The following TENM2 variants were observed in gnomAD, a reference collection of about 807,000 sequenced individuals.
TENM2 encodes teneurin-2.
TENM2 carries 52 observed loss-of-function variants against 245.2 expected under a neutral mutation model. That is an observed-to-expected ratio of 0.21 (90% CI 0.17 to 0.27). The LOEUF (loss-of-function observed/expected upper bound fraction) is 0.27. Ranked by LOEUF, TENM2 falls within the 10% of genes least tolerant of loss-of-function variation. TENM2 has a pLI of 1.00. For synonymous variants in TENM2, 1,363 were observed against 1,438.9 expected (o/e 0.95, Z 1.19); for missense variants, 3,046 against 3,666.8 (o/e 0.83, Z 4.37).
intron 5 of TENM2, chr5:168,033,164 A>G (rs977357775): frequency 6.6e-6 from 1 of 152,326 alleles, no homozygotes; most frequent in Middle Eastern, 3.4e-3. Context: ...TGTCTACTAT[A>G]AGTCTTTGTC....
At chr5:167,772,825 G>T (rs867989296) in intron 2 of TENM2, among the ~76,000 whole-genome samples, 2 of 152,198 alleles carry the variant, frequency 1.3e-5, no homozygotes, top group Middle Eastern at 3.4e-3. Context: ...CTACTGACAG[G>T]TCTTTTATTT....
Position 167,489,438 on chromosome 5 carries a change from T to G in TENM2, c.502+113965T>G, listed in dbSNP as rs568675444. On this transcript the variant is annotated intron_variant, in intron 2 of 28. Transcript: ENST00000518659. ...ACTCACTCCCCAGAAAGCCACAAGG[T>G]TCACTCCCACACTATCTTCAGACCT... is the stretch of plus-strand genomic sequence containing the variant. Among the ~76,000 whole-genome samples the G allele has an allele frequency of 2.0e-4, 31 of 152,280 alleles. No individual in the cohort carries two copies. In the South Asian group the frequency reaches 5.0e-3, roughly 24 times the overall value.
chr5:167,385,539 A>G (rs1761373020), intron 2 of TENM2, among the ~76,000 whole-genome samples: 1 of 150,528 alleles, frequency 6.6e-6, no homozygotes, highest in Non-Finnish European at 1.5e-5. Context: ...TTATTGGAGA[A>G]CAGGTGGTGT....
the TENM2 span, among the ~76,000 whole-genome samples, chr5:167,146,614 C>G: frequency 6.6e-6 from 1 of 152,148 alleles, no homozygotes; most frequent in Non-Finnish European, 1.5e-5. Flanking sequence ...CTTACCAACT[C>G]AGATGATGGA....
chr5:167,323,209 T>C (rs1366817621), intron 1 of TENM2, among the ~76,000 whole-genome samples: 3 of 152,188 alleles, frequency 2.0e-5, no homozygotes, highest in Non-Finnish European at 4.4e-5. Context: ...CTTTATGAGA[T>C]GTATTATTCT....
chr5:167,709,386 A>G (rs1027698934), intron 2 of TENM2, among the ~76,000 whole-genome samples: 2 of 152,198 alleles, frequency 1.3e-5, no homozygotes, highest in African/African-American at 2.4e-5. Flanking sequence ...TAATCCCTCC[A>G]GTGCATCCAG....
chr5:167,353,337 G>GGC (rs1319785967), intron 1 of TENM2, among the ~76,000 whole-genome samples: 2 of 145,486 alleles, frequency 1.4e-5, no homozygotes, highest in African/African-American at 5.3e-5. Context: ...GGGTGGTGGG[G>GGC]GTGCAGAAAG....
the TENM2 span, among the ~76,000 whole-genome samples, chr5:167,266,209 A>T: frequency 6.6e-6 from 1 of 152,188 alleles, no homozygotes; most frequent in Non-Finnish European, 1.5e-5. Flanking sequence ...GAGAGGTACA[A>T]AATTCCCCTG....
chr5:167,663,102 A>G (rs557575563), intron 2 of TENM2, among the ~76,000 whole-genome samples: 1 of 151,764 alleles, frequency 6.6e-6, no homozygotes, highest in Admixed American at 6.6e-5. Flanking sequence ...ACCAGTATAC[A>G]CATTTTTAGA....
chr5:168,189,814 C>T (rs999920670), intron 13 of TENM2, among the ~76,000 whole-genome samples: 2 of 152,088 alleles, frequency 1.3e-5, no homozygotes, highest in South Asian at 2.1e-4. Flanking sequence ...CACTATGTTG[C>T]CCAGGTTGGT....
intron 3 of TENM2, among the ~76,000 whole-genome samples, chr5:167,946,755 A>C (rs1779660182): frequency 6.6e-6 from 1 of 152,062 alleles, no homozygotes; most frequent in Admixed American, 6.6e-5. Flanking sequence ...TGCATTACTT[A>C]ACCTCTCTGA....
chr5:167,575,407 G>A (rs1312990794), intron 2 of TENM2, among the ~76,000 whole-genome samples: 3 of 151,174 alleles, frequency 2.0e-5, no homozygotes, highest in African/African-American at 7.3e-5. Flanking sequence ...GGCCACGGAA[G>A]GGAGGATATT....
intron 5 of TENM2, among the ~76,000 whole-genome samples, chr5:168,000,341 C>T (rs1163861315): frequency 6.6e-6 from 1 of 152,196 alleles, no homozygotes; most frequent in Non-Finnish European, 1.5e-5. Context: ...ATTTCAAGTT[C>T]TTGCTTTGCC....
chr5:167,815,917 C>A (rs1767014063), intron 2 of TENM2, among the ~76,000 whole-genome samples: 2 of 151,920 alleles, frequency 1.3e-5, no homozygotes, highest in South Asian at 4.2e-4. Flanking sequence ...TTTTTGTTCC[C>A]TCCATAGTAT....
chr5:168,174,527 C>A (rs982453767), intron 13 of TENM2, among the ~76,000 whole-genome samples: 3 of 152,176 alleles, frequency 2.0e-5, no homozygotes, highest in African/African-American at 7.2e-5. Flanking sequence ...CTGGGCCCCA[C>A]CCTCAGAGTT....
At chr5:167,782,096 C>T (rs1452403797) in intron 2 of TENM2, among the ~76,000 whole-genome samples, 1 of 151,848 alleles carries the variant, frequency 6.6e-6, no homozygotes, top group Non-Finnish European at 1.5e-5. Flanking sequence ...GGTGAATCAC[C>T]TGAGGTTGGG....
At chr5:167,047,912 G>A in the TENM2 span, among the ~76,000 whole-genome samples, 1 of 151,834 alleles carries the variant, frequency 6.6e-6, no homozygotes, top group African/African-American at 2.4e-5. Flanking sequence ...TAACTTATCT[G>A]TGCTTCATCA....
chr5:167,417,001 A>G (rs1581982606), intron 2 of TENM2, among the ~76,000 whole-genome samples: 1 of 152,254 alleles, frequency 6.6e-6, no homozygotes. Flanking sequence ...TGTTAACTCA[A>G]TGTCAATATT....
chr5:167,101,864 T>TATAA, the TENM2 span, among the ~76,000 whole-genome samples: 1 of 126,334 alleles, frequency 7.9e-6, no homozygotes, highest in East Asian at 2.3e-4. Context: ...TATATATATA[T>TATAA]ATATATATAT....
Sources: gnomAD v4.1 joint callset for allele counts (sites outside exome capture counted in the v4.1 genomes callset) on GRCh38, gnomAD v4.1.1 for gene constraint, MANE v1.5 for transcripts, NCBI Gene and HGNC (gene_info 2026-07-23, HGNC 2026-07-21) for gene names.